Variants in MSI2 observed in about 807,000 individuals in gnomAD.
The protein encoded by MSI2 is musashi RNA binding protein 2.
MSI2 carries 17 observed loss-of-function variants against 45.6 expected under a neutral mutation model. The observed-to-expected ratio is 0.37, with a 90% confidence interval of 0.26 to 0.56. The LOEUF (loss-of-function observed/expected upper bound fraction) is 0.56. Among genes scored for constraint, MSI2 ranks in the 20% least tolerant of loss-of-function variants. MSI2 has a pLI of 0.77. For missense variants in MSI2, 293 were observed against 444.2 expected (o/e 0.66, Z 3.06); for synonymous variants, 156 against 158.2 (o/e 0.99, Z 0.11).
chr17:57,460,158 AATAAATAAATAAAT>A (rs2085198261), intron 6 of MSI2, among the ~76,000 whole-genome samples: 1 of 151,218 alleles, frequency 6.6e-6, no homozygotes, highest in African/African-American at 2.4e-5. Context: ...TAAATAAATA[AATAAATAAATAAAT>A]AATCAGTTGG....
At chr17:57,359,123 C>G (rs993108469) in intron 5 of MSI2, among the ~76,000 whole-genome samples, 2 of 152,212 alleles carry the variant, frequency 1.3e-5, no homozygotes, top group Middle Eastern at 3.4e-3. Flanking sequence ...AGGAATGACC[C>G]TGCATCTTAT....
chr17:57,657,337 G>A (rs932770850), intron 11 of MSI2, among the ~76,000 whole-genome samples: 1 of 152,154 alleles, frequency 6.6e-6, no homozygotes, highest in Non-Finnish European at 1.5e-5. Context: ...GGGTGAGGGA[G>A]GTACACAGGG....
At chr17:57,385,624 C>A (rs1341879929) in intron 5 of MSI2, among the ~76,000 whole-genome samples, 1 of 152,180 alleles carries the variant, frequency 6.6e-6, no homozygotes, top group Non-Finnish European at 1.5e-5. Context: ...GCACCCCACC[C>A]TGGGCAACAA....
chr17:57,511,303 C>T (rs948900527), intron 6 of MSI2, among the ~76,000 whole-genome samples: 1 of 152,136 alleles, frequency 6.6e-6, no homozygotes, highest in African/African-American at 2.4e-5. Context: ...ATTAATAAAC[C>T]GCAAATGTGA....
intron 6 of MSI2, among the ~76,000 whole-genome samples, chr17:57,502,832 G>A (rs1395532922): frequency 6.6e-6 from 1 of 151,676 alleles, no homozygotes; most frequent in Non-Finnish European, 1.5e-5. Flanking sequence ...TGACCTTACA[G>A]CCCACCCTCC....
intron 5 of MSI2, among the ~76,000 whole-genome samples, chr17:57,378,564 T>C (rs1347283635): frequency 6.6e-6 from 1 of 152,070 alleles, no homozygotes; most frequent in Non-Finnish European, 1.5e-5. Context: ...GCCCGGCCAA[T>C]TTTTGTATTT....
chr17:57,420,328 G>C (rs2084372209), intron 6 of MSI2, among the ~76,000 whole-genome samples: 2 of 152,256 alleles, frequency 1.3e-5, no homozygotes, highest in Non-Finnish European at 2.9e-5. Flanking sequence ...GGGCTCTCAC[G>C]ATTTTTATTT....
At chr17:57,318,063 C>G (rs894213504) in intron 5 of MSI2, among the ~76,000 whole-genome samples, 7 of 152,180 alleles carry the variant, frequency 4.6e-5, no homozygotes, top group Admixed American at 3.3e-4. Flanking sequence ...GCAGGAGAAT[C>G]GCTTAAACCC....
chr17:57,545,550 A>G (rs1487085632), intron 7 of MSI2, among the ~76,000 whole-genome samples: 4 of 152,258 alleles, frequency 2.6e-5, no homozygotes, highest in Non-Finnish European at 5.9e-5. Flanking sequence ...TGTTTTGTCT[A>G]GAGATCTCCT....
At chr17:57,436,973 G>A (rs1314573579) in intron 6 of MSI2, among the ~76,000 whole-genome samples, 3 of 152,182 alleles carry the variant, frequency 2.0e-5, no homozygotes, top group Non-Finnish European at 1.5e-5. Flanking sequence ...AAGGACATCA[G>A]AGACACTTAC....
chr17:57,342,966 G>A (rs905270233), intron 5 of MSI2, among the ~76,000 whole-genome samples: 5 of 152,072 alleles, frequency 3.3e-5, no homozygotes, highest in African/African-American at 1.2e-4. Context: ...AATAATACCA[G>A]TTAAAGAGTT....
chr17:57,388,271 T>G (rs994617839), intron 5 of MSI2, among the ~76,000 whole-genome samples: 1 of 152,176 alleles, frequency 6.6e-6, no homozygotes, highest in Non-Finnish European at 1.5e-5. Context: ...AAGTTACTTG[T>G]GGAGGTTGGA....
chr17:57,563,131 GATTTGTGGGGTCC>G (rs935438944), intron 7 of MSI2, among the ~76,000 whole-genome samples: 1 of 145,214 alleles, frequency 6.9e-6, no homozygotes. Flanking sequence ...ACAGTGCATA[GATTTGTGGGGTCC>G]ATGTGCAGTT....
At chr17:57,542,784 C>T (rs1179634216) in intron 7 of MSI2, among the ~76,000 whole-genome samples, 1 of 152,180 alleles carries the variant, frequency 6.6e-6, no homozygotes, top group African/African-American at 2.4e-5. Context: ...CAGTCTGGCA[C>T]GTGTCCTGCT....
intron 5 of MSI2, chr17:57,263,480 C>T (rs937807766): frequency 6.6e-6 from 1 of 152,210 alleles, no homozygotes; most frequent in African/African-American, 2.4e-5. Flanking sequence ...TGATCCTTCA[C>T]ATTTCAGAGG....
At chr17:57,445,961 G>A (rs977152310) in intron 6 of MSI2, among the ~76,000 whole-genome samples, 1 of 152,212 alleles carries the variant, frequency 6.6e-6, no homozygotes, top group African/African-American at 2.4e-5. Context: ...TCTCTGCCAG[G>A]CACTGTTCCG....
rs386386327 is a variant in MSI2, at chr17:57,295,992, C to CTT, written c.312+33833_312+33834dup. On this transcript the variant is annotated intron_variant, in intron 5 of 13. Coordinates refer to ENST00000284073, the MANE Select transcript of MSI2 (RefSeq NM_138962.4). ...TGAGTTACCAGTTCACGCAGCCTTC[C>CTT]TTTTTTTTTTTTTTTTTTTTTTTTT... Among the ~76,000 whole-genome samples the CTT allele has an allele frequency of 8.8e-4, 34 of 38,652 alleles. 3 individuals are homozygous for CTT. Among genetic ancestry groups the CTT allele is most frequent in the African/African-American group, 1.7e-3 (25 of 14,794 alleles). 25.4% of individuals were successfully genotyped at this position (38,652 alleles called of 152,430 possible). A position where few individuals can be genotyped will look rare whatever the true frequency, so the allele number is the denominator to read the frequency against.
chr17:57,423,411 C>T (rs1471240834), intron 6 of MSI2, among the ~76,000 whole-genome samples: 1 of 152,188 alleles, frequency 6.6e-6, no homozygotes, highest in African/African-American at 2.4e-5. Flanking sequence ...TTCTCTGGGC[C>T]TTGGCTATCT....
intron 6 of MSI2, among the ~76,000 whole-genome samples, chr17:57,488,545 G>T (rs566109539): frequency 6.6e-6 from 1 of 152,250 alleles, no homozygotes; most frequent in East Asian, 1.9e-4. Context: ...GATCCTGGCC[G>T]GGCGCAGTGG....
Sources: gnomAD v4.1 joint callset for allele counts (sites outside exome capture counted in the v4.1 genomes callset) on GRCh38, gnomAD v4.1.1 for gene constraint, MANE v1.5 for transcripts, NCBI Gene and HGNC (gene_info 2026-07-23, HGNC 2026-07-21) for gene names.